Variants in AUTS2 observed in about 807,000 individuals in gnomAD.
AUTS2 encodes activator of transcription and developmental regulator AUTS2.
AUTS2 carries 17 observed loss-of-function variants against 112.4 expected under a neutral mutation model. The observed-to-expected ratio is 0.15, with a 90% CI of 0.10 to 0.23. AUTS2 has a LOEUF of 0.23. Among genes scored for constraint, AUTS2 ranks in the 10% least tolerant of loss-of-function variants. The pLI is 1.00. For synonymous variants in AUTS2, 751 were observed against 702.7 expected (o/e 1.07, Z -1.09); for missense variants, 1,510 against 1,701.6 (o/e 0.89, Z 1.98).
intron 2 of AUTS2, among the ~76,000 whole-genome samples, chr7:70,078,622 G>A (rs776013068): frequency 5.9e-5 from 9 of 152,138 alleles, no homozygotes; most frequent in Non-Finnish European, 1.2e-4. Context: ...TTAGGATAAT[G>A]TTTTAATAGA....
At chr7:70,091,272 A>G (rs748397365) in intron 2 of AUTS2, among the ~76,000 whole-genome samples, 5 of 151,998 alleles carry the variant, frequency 3.3e-5, no homozygotes, top group Non-Finnish European at 5.9e-5. Flanking sequence ...GTATTGAGCA[A>G]TTTTTTTATG....
At chr7:70,364,234 A>G (rs1658433942) in intron 4 of AUTS2, among the ~76,000 whole-genome samples, 1 of 152,078 alleles carries the variant, frequency 6.6e-6, no homozygotes. Context: ...TCAACTGTCT[A>G]GCACCTAGTA....
intron 4 of AUTS2, among the ~76,000 whole-genome samples, chr7:70,258,846 G>C (rs1425661409): frequency 2.0e-5 from 3 of 152,118 alleles, no homozygotes; most frequent in African/African-American, 7.2e-5. Flanking sequence ...AATACGTTTT[G>C]TATTGATTAC....
chr7:70,040,137 TA>T (rs143400999), intron 2 of AUTS2, among the ~76,000 whole-genome samples: 5,355 of 152,286 alleles, frequency 0.035, 133 homozygotes, highest in South Asian at 0.065. Context: ...AGTGGGTACA[TA>T]TAATTTTACG....
At chr7:69,740,800 G>A (rs1787232156) in intron 1 of AUTS2, among the ~76,000 whole-genome samples, 1 of 152,192 alleles carries the variant, frequency 6.6e-6, no homozygotes, top group East Asian at 1.9e-4. Context: ...GGGATTATAG[G>A]CATGAGCCAC....
At chr7:70,251,799 A>T (rs978466944) in intron 4 of AUTS2, among the ~76,000 whole-genome samples, 1 of 152,018 alleles carries the variant, frequency 6.6e-6, no homozygotes, top group Non-Finnish European at 1.5e-5. Flanking sequence ...ATTTTTTTAA[A>T]TTTAACTTTT....
At chr7:70,418,197 C>G (rs1795071804) in intron 4 of AUTS2, among the ~76,000 whole-genome samples, 1 of 151,984 alleles carries the variant, frequency 6.6e-6, no homozygotes, top group Admixed American at 6.6e-5. Context: ...CTCGGCCTCT[C>G]AAAGTGCTGG....
intron 5 of AUTS2, among the ~76,000 whole-genome samples, chr7:70,498,379 T>A (rs891977387): frequency 2.0e-5 from 3 of 152,212 alleles, no homozygotes; most frequent in Non-Finnish European, 4.4e-5. Context: ...TAATCATCAG[T>A]CCTGGGCTGG....
At chr7:69,808,906 A>G (rs1790423061) in intron 1 of AUTS2, among the ~76,000 whole-genome samples, 1 of 152,232 alleles carries the variant, frequency 6.6e-6, no homozygotes, top group East Asian at 1.9e-4. Flanking sequence ...GCAAAGAACA[A>G]TCATTTGCCT....
chr7:69,743,203 GAAT>G (rs1359179833), intron 1 of AUTS2, among the ~76,000 whole-genome samples: 2 of 152,120 alleles, frequency 1.3e-5, no homozygotes, highest in Non-Finnish European at 2.9e-5. Context: ...TGTAATATGG[GAAT>G]AATAATAGTT....
intron 6 of AUTS2, among the ~76,000 whole-genome samples, chr7:70,714,651 G>A (rs1199607900): frequency 6.6e-6 from 1 of 152,172 alleles, no homozygotes; most frequent in Non-Finnish European, 1.5e-5. Flanking sequence ...TCATTGACTT[G>A]TTGCAGAAAC....
intron 6 of AUTS2, among the ~76,000 whole-genome samples, chr7:70,714,803 GA>G (rs1264143105): frequency 6.6e-6 from 1 of 152,216 alleles, no homozygotes; most frequent in Non-Finnish European, 1.5e-5. Context: ...TTCCTGGCAA[GA>G]AAACTTCATA....
intron 1 of AUTS2, among the ~76,000 whole-genome samples, chr7:69,692,548 G>A (rs1443260786): frequency 6.6e-6 from 1 of 152,198 alleles, no homozygotes; most frequent in Non-Finnish European, 1.5e-5. Flanking sequence ...GTATCCTTAT[G>A]TCTTTCAATT....
intron 1 of AUTS2, among the ~76,000 whole-genome samples, chr7:69,688,518 C>T (rs1392811181): frequency 1.3e-5 from 2 of 152,070 alleles, no homozygotes; most frequent in Admixed American, 6.6e-5. Context: ...GACATATAAT[C>T]GTACATATTT....
chr7:70,519,415 G>A (rs1799554995), intron 5 of AUTS2, among the ~76,000 whole-genome samples: 1 of 152,214 alleles, frequency 6.6e-6, no homozygotes, highest in Admixed American at 6.5e-5. Flanking sequence ...GGAATTAATA[G>A]TGAGCGTTGC....
intron 4 of AUTS2, among the ~76,000 whole-genome samples, chr7:70,311,916 G>A (rs376382619): frequency 4.9e-4 from 75 of 152,262 alleles, no homozygotes; most frequent in Middle Eastern, 3.4e-3. Flanking sequence ...GGGTTTCACC[G>A]TGTTAGCCAG....
chr7:69,615,851 G>A (rs1444257775), intron 1 of AUTS2, among the ~76,000 whole-genome samples: 1 of 152,188 alleles, frequency 6.6e-6, no homozygotes, highest in African/African-American at 2.4e-5. Context: ...CCTGTAGCAT[G>A]CTGACAGCAA....
intron 4 of AUTS2, among the ~76,000 whole-genome samples, chr7:70,267,512 G>A (rs2129608331): frequency 6.6e-6 from 1 of 152,248 alleles, no homozygotes; most frequent in East Asian, 1.9e-4. Context: ...GGACATGAAT[G>A]GGCTTTTGGA....
chr7:70,171,766 C>T (rs1307008076), intron 4 of AUTS2, among the ~76,000 whole-genome samples: 1 of 151,986 alleles, frequency 6.6e-6, no homozygotes, highest in South Asian at 2.1e-4. Context: ...TAAATGGAGA[C>T]GGTTATAAGA....
Sources: allele counts gnomAD v4.1 joint callset (sites outside exome capture counted in the v4.1 genomes callset), GRCh38; gene constraint gnomAD v4.1.1; transcripts MANE v1.5; gene names NCBI Gene and HGNC (gene_info 2026-07-23, HGNC 2026-07-21).